Variants in NME7 observed in about 807,000 individuals in gnomAD.
NME7 encodes the protein nucleoside diphosphate kinase 7.
A neutral mutation model predicts 49.1 loss-of-function variants in NME7; 41 were observed. The observed-to-expected ratio is 0.83, with a 90% CI of 0.65 to 1.08. The LOEUF (loss-of-function observed/expected upper bound fraction) is 1.08, where lower values mean the gene tolerates loss of function less well. NME7 is among the 50% of genes least tolerant of loss of function. The pLI is 0.00. For missense variants in NME7, 423 were observed against 463.4 expected, an observed-to-expected ratio of 0.91 and a Z score of 0.80; for synonymous variants, 139 against 150.6, an observed-to-expected ratio of 0.92 and a Z score of 0.56.
intron 10 of NME7, among the ~76,000 whole-genome samples, chr1:169,190,456 G>A (rs1281028940): frequency 6.6e-6 from 1 of 151,108 alleles, no homozygotes; most frequent in East Asian, 1.9e-4. Context: ...CTGAGAAGTA[G>A]GCAAACAAGA....
chr1:169,258,454 A>C (rs374164514), intron 7 of NME7, among the ~76,000 whole-genome samples: 3 of 122,626 alleles, frequency 2.4e-5, no homozygotes, highest in African/African-American at 8.2e-5. Context: ...TCTCATTCTC[A>C]AAGTTAGCCT....
At chr1:169,178,842 A>T (rs1477336339) in intron 10 of NME7, among the ~76,000 whole-genome samples, 1 of 65,482 alleles carries the variant, frequency 1.5e-5, no homozygotes. Context: ...TTTTTTTGAG[A>T]CAGAGTCTTG....
intron 7 of NME7, among the ~76,000 whole-genome samples, chr1:169,276,759 A>ACCC (rs1256833896): frequency 7.5e-5 from 10 of 132,980 alleles, no homozygotes; most frequent in Admixed American, 7.4e-4. Flanking sequence ...TTGCTTTTCT[A>ACCC]GTTCTTTTAA....
intron 10 of NME7, among the ~76,000 whole-genome samples, chr1:169,203,786 T>G (rs1375370201): frequency 6.6e-6 from 1 of 152,098 alleles, no homozygotes; most frequent in Non-Finnish European, 1.5e-5. Flanking sequence ...AGGCTAATGA[T>G]GGTTAGCAAA....
At chr1:169,157,491 T>C (rs190554774) in intron 11 of NME7, among the ~76,000 whole-genome samples, 6 of 152,176 alleles carry the variant, frequency 3.9e-5, no homozygotes, top group Non-Finnish European at 1.5e-5. Context: ...TCAGCATCCA[T>C]GCAATACATG....
chr1:169,296,349 G>A (rs1650705879), intron 6 of NME7, among the ~76,000 whole-genome samples: 1 of 152,010 alleles, frequency 6.6e-6, no homozygotes, highest in Admixed American at 6.6e-5. Flanking sequence ...TGACACCACT[G>A]GTCATTCTCT....
intron 11 of NME7, among the ~76,000 whole-genome samples, chr1:169,138,092 C>G (rs1571236076): frequency 6.6e-6 from 1 of 151,992 alleles, no homozygotes; most frequent in African/African-American, 2.4e-5. Flanking sequence ...GGGTGGATCA[C>G]CTGAGGTCAG....
At chr1:169,235,233 A>C in intron 8 of NME7, 34 bp from the exon 9 acceptor site, 1 of 1,180,856 alleles carries the variant, frequency 8.5e-7, no homozygotes, top group South Asian at 1.4e-5. Flanking sequence ...CAAAACCATA[A>C]ACCAACCAAC....
intron 10 of NME7, among the ~76,000 whole-genome samples, chr1:169,210,397 C>T (rs1339684168): frequency 6.6e-6 from 1 of 152,130 alleles, no homozygotes; most frequent in Admixed American, 6.6e-5. Flanking sequence ...TAGAGAGCAT[C>T]CCAATGCTTG....
At chr1:169,335,277 T>G (rs1363315993) in intron 1 of NME7, among the ~76,000 whole-genome samples, 2 of 152,188 alleles carry the variant, frequency 1.3e-5, no homozygotes, top group Non-Finnish European at 2.9e-5. Context: ...TCTGCAGCAC[T>G]ATTTACAATA....
At chr1:169,321,832 G>A (rs1485947745) in intron 3 of NME7, among the ~76,000 whole-genome samples, 1 of 151,798 alleles carries the variant, frequency 6.6e-6, no homozygotes, top group Non-Finnish European at 1.5e-5. Flanking sequence ...TAGTTTGATT[G>A]ATTTGTTTTC....
chr1:169,342,566 C>G lies in NME7; in HGVS notation c.4-18066G>C, dbSNP rs537654404. Among the ~76,000 whole-genome samples the G allele has an allele frequency of 6.7e-4, 63 of 93,538 alleles. 5 individuals are homozygous for G. Among genetic ancestry groups the G allele is most frequent in the African/African-American group, 1.8e-3 (47 of 26,572 alleles). The allele number at this position is 93,538 out of a possible 152,430, so 61.4% of individuals were successfully genotyped here. ...TATAGTATATATATATATACAAGTA[C>G]ATATATATAGTATATATATATATAC... On this transcript the variant is annotated intron_variant, in intron 1 of 11. Coordinates refer to ENST00000367811, the MANE Select transcript of NME7 (RefSeq NM_013330.5).
intron 11 of NME7, among the ~76,000 whole-genome samples, chr1:169,165,003 T>C (rs996915799): frequency 2.0e-5 from 3 of 152,206 alleles, no homozygotes; most frequent in South Asian, 2.1e-4. Context: ...TTACCATCAA[T>C]GCTATCTTTA....
chr1:169,207,999 C>T (rs1660718710), intron 10 of NME7, among the ~76,000 whole-genome samples: 2 of 152,056 alleles, frequency 1.3e-5, no homozygotes, highest in African/African-American at 2.4e-5. Context: ...TGGTTGTCAT[C>T]TGTAACTTTT....
intron 3 of NME7, among the ~76,000 whole-genome samples, chr1:169,319,050 AATTTT>A (rs1335819922): frequency 1.3e-5 from 2 of 151,386 alleles, no homozygotes; most frequent in Non-Finnish European, 1.5e-5. Context: ...TTTTAATTTT[AATTTT>A]AATTTAATTT....
chr1:169,227,197 C>T (rs1476391074), intron 10 of NME7, among the ~76,000 whole-genome samples: 1 of 152,210 alleles, frequency 6.6e-6, no homozygotes, highest in Non-Finnish European at 1.5e-5. Context: ...CTCCCCAGCT[C>T]CTCCCGAATG....
intron 1 of NME7, among the ~76,000 whole-genome samples, chr1:169,354,966 A>T (rs1220310127): frequency 2.5e-5 from 1 of 39,270 alleles, no homozygotes; most frequent in Non-Finnish European, 6.4e-5. Context: ...GTTTATATAT[A>T]ATATAATTAT....
Position 169,263,733 on chromosome 1 carries a change from C to T in NME7, c.754+23570G>A, listed in dbSNP as rs1385857056. The stretch of plus-strand genomic sequence containing the variant: ...CAACCTAGCTAGAGAGTCCAACACT[C>T]AAATTCAGGAAATGTGGAGAACCAC... On this transcript the variant is annotated intron_variant, in intron 7 of 11. Transcript: ENST00000367811. 1.5e-5 allele frequency among the ~76,000 whole-genome samples: 2 copies of T among 133,058 alleles called. 1 individual carries two copies. The highest frequency in any genetic ancestry group is 3.5e-5 in the Non-Finnish European group (2 of 56,634). 87.3% of individuals were successfully genotyped at this position (133,058 alleles called of 152,430 possible).
intron 1 of NME7, among the ~76,000 whole-genome samples, chr1:169,355,754 C>T (rs1341104103): frequency 6.9e-6 from 1 of 144,674 alleles, no homozygotes; most frequent in Non-Finnish European, 1.5e-5. Flanking sequence ...AACTTCTTCA[C>T]TCTCTGTCTT....
Sources: gnomAD v4.1 joint callset for allele counts (sites outside exome capture counted in the v4.1 genomes callset) on GRCh38, gnomAD v4.1.1 for gene constraint, MANE v1.5 for transcripts, NCBI Gene and HGNC (gene_info 2026-07-23, HGNC 2026-07-21) for gene names.